Variants in SYNE1 observed in about 807,000 individuals in gnomAD.
SYNE1 encodes spectrin repeat containing nuclear envelope protein 1, also known as nesprin-1.
In SYNE1, 616 loss-of-function variants were observed where a neutral mutation model predicts 1,111.0. The observed-to-expected ratio is 0.55, with a 90% confidence interval of 0.52 to 0.59. The LOEUF (loss-of-function observed/expected upper bound fraction) is 0.59. Ranked by LOEUF, SYNE1 falls within the 20% of genes least tolerant of loss-of-function variation. The pLI is 0.00. For synonymous variants in SYNE1, 3,855 were observed against 3,825.8 expected, an observed-to-expected ratio of 1.01 and a Z score of -0.28; for missense variants, 10,006 against 10,417.0, an observed-to-expected ratio of 0.96 and a Z score of 1.72.
At position 152,352,191 on chromosome 6, in the gene SYNE1, T is replaced by C. The variant is rs1207624769; in HGVS notation, c.11416A>G (p.Lys3806Glu). Reference protein sequence around the residue: ...QLKELTSTVRKEHMTLEKGLH... With the variant: ...QLKELTSTVREEHMTLEKGLH... ...CCTTTTTCCAGCGTCATGTGTTCTT[T>C]CCGGACAGTGCTGGTCAGTTCCTTC... Residue 3806 changes from lysine (K) to glutamate (E), a missense_variant, in exon 70 of 146, where the codon AAA (lysine) becomes GAA (glutamate). Transcript: ENST00000367255. The C allele has an allele frequency of 6.2e-7, 1 of 1,614,212 alleles. No individual in the cohort carries two copies. The highest frequency in any genetic ancestry group is 1.3e-5 in the African/African-American group (1 of 75,060).
chr6:152,539,076 G>A (rs894584173), intron 4 of SYNE1, among the ~76,000 whole-genome samples: 1 of 152,092 alleles, frequency 6.6e-6, no homozygotes, highest in African/African-American at 2.4e-5. Context: ...CTGCTTGTAG[G>A]GTTGGGCTTT....
intron 3 of SYNE1, among the ~76,000 whole-genome samples, chr6:152,627,225 T>C (rs906314773): frequency 5.9e-5 from 9 of 152,208 alleles, no homozygotes; most frequent in Non-Finnish European, 1.0e-4. Context: ...AGAAGCAATA[T>C]CTTTAGATAA....
intron 55 of SYNE1, among the ~76,000 whole-genome samples, chr6:152,383,587 C>T (rs529034398): frequency 6.6e-6 from 1 of 152,254 alleles, no homozygotes; most frequent in Admixed American, 6.5e-5. Flanking sequence ...TTGTTTTTCC[C>T]CTCCTTTTTC....
chr6:152,523,745 T>C (rs2099151379), intron 5 of SYNE1, among the ~76,000 whole-genome samples: 1 of 152,154 alleles, frequency 6.6e-6, no homozygotes, highest in Non-Finnish European at 1.5e-5. Flanking sequence ...TGTTTTGTAG[T>C]TCTCCTTGCG....
Position 152,627,977 on chromosome 6 carries a change from A to G in SYNE1, c.67+288T>C, listed in dbSNP as rs187388363. 3.5e-3 allele frequency among the ~76,000 whole-genome samples: 515 copies of G among 145,812 alleles called. 2 individuals carry two copies. The highest frequency in any genetic ancestry group is 5.0e-3 in the Non-Finnish European group (336 of 67,250). On this transcript the variant is annotated intron_variant, in intron 3 of 145. Coordinates refer to ENST00000367255, the MANE Select transcript of SYNE1 (RefSeq NM_182961.4). ...AACAACAGCAGCAGTACATTTGACA[A>G]TAACTCTTAATTCCCAACTGGACAA... is the stretch of plus-strand genomic sequence containing the variant.
chr6:152,416,960 T>G lies in SYNE1; in HGVS notation c.5477A>C (p.His1826Pro). 6.2e-7 allele frequency: 1 copy of G among 1,614,226 alleles called. No individual in the cohort carries two copies. The highest frequency in any genetic ancestry group is 8.5e-7 in the Non-Finnish European group (1 of 1,180,046). ...GCCCAGAGAACCCAACTTTGCTAAGTGACCCTGCAGACTCTGCAATTCGCC... is the reference window on the plus strand; with the variant it reads ...GCCCAGAGAACCCAACTTTGCTAAGGGACCCTGCAGACTCTGCAATTCGCC... ...KKGELQSLQG[H>P]LAKLGSLGRA... Residue 1826 changes from histidine to proline, a missense_variant, in exon 41 of 146, where the codon CAC becomes CCC. Physicochemically the swap from His to Pro is moderately conservative, Grantham distance 77. Around this residue, in one of 7 missense-constraint regions of SYNE1, gnomAD observed 4,955 missense variants for 5,017.2 expected, o/e 0.99. Coordinates refer to ENST00000367255, the MANE Select transcript of SYNE1 (RefSeq NM_182961.4).
chr6:152,275,448 T>C (rs1674142072), intron 98 of SYNE1, among the ~76,000 whole-genome samples: 1 of 152,248 alleles, frequency 6.6e-6, no homozygotes, highest in South Asian at 2.1e-4. Context: ...CACTGATTTG[T>C]AATGCCACCT....
chr6:152,243,521 T>C (rs146834599), intron 106 of SYNE1, among the ~76,000 whole-genome samples: 2 of 152,184 alleles, frequency 1.3e-5, no homozygotes, highest in Non-Finnish European at 2.9e-5. Context: ...TCTGGAAGAG[T>C]TCAATTTTAA....
At chr6:152,546,685 G>A (rs2099314984) in intron 3 of SYNE1, 1 of 152,136 alleles carries the variant, frequency 6.6e-6, no homozygotes, top group South Asian at 2.1e-4. Context: ...GGGATTGGGA[G>A]GCTTTACTTA....
intron 124 of SYNE1, among the ~76,000 whole-genome samples, chr6:152,210,222 G>T (rs1183842752): frequency 6.6e-6 from 1 of 151,868 alleles, no homozygotes; most frequent in Admixed American, 6.6e-5. Flanking sequence ...TTACCCTCAA[G>T]TCTAACCTCC....
chr6:152,454,431 C>T (rs2098679213), intron 24 of SYNE1, among the ~76,000 whole-genome samples: 1 of 152,174 alleles, frequency 6.6e-6, no homozygotes, highest in Admixed American at 6.5e-5. Context: ...TGTGAGGGCA[C>T]AGGGAAAAGG....
Position 152,546,638 on chromosome 6 carries a change from T to A in SYNE1, c.68-6617A>T, listed in dbSNP as rs1595090994. The A allele has an allele frequency of 1.3e-5, 2 of 152,272 alleles. 1 individual carries two copies. Among genetic ancestry groups the A allele is most frequent in the South Asian group, 4.1e-4 (2 of 4,824 alleles). The allele number at this position is 152,272 out of a possible 1,614,324, so 9.4% of individuals were successfully genotyped here. A position where few individuals can be genotyped will look rare whatever the true frequency, so the allele number is the denominator to read the frequency against. The stretch of plus-strand genomic sequence containing the variant: ...AAACCTCAAGAATAAGAAATAAAAG[T>A]ACAAATTGGTGTGATGAAGGTATAT... On this transcript the variant is annotated intron_variant, in intron 3 of 145. Transcript: ENST00000367255.
At chr6:152,399,879 T>C (rs1248750853) in intron 47 of SYNE1, 56 bp from the exon 48 acceptor site, 43 of 1,550,772 alleles carry the variant, frequency 2.8e-5, no homozygotes, top group Non-Finnish European at 3.7e-5. Context: ...AAATACTCCA[T>C]TTACTTCACT....
intron 101 of SYNE1, among the ~76,000 whole-genome samples, chr6:152,261,564 C>T (rs1328963549): frequency 2.6e-5 from 4 of 152,294 alleles, no homozygotes; most frequent in Non-Finnish European, 1.5e-5. Context: ...CTGCCCTAGA[C>T]CCACCAACGT....
chr6:152,469,476 C>T (rs2098792742), intron 16 of SYNE1, among the ~76,000 whole-genome samples: 1 of 152,178 alleles, frequency 6.6e-6, no homozygotes, highest in African/African-American at 2.4e-5. Flanking sequence ...CAGTTCCCCA[C>T]CACTACAACC....
intron 127 of SYNE1, among the ~76,000 whole-genome samples, chr6:152,200,054 T>C (rs2075083256): frequency 6.6e-6 from 1 of 152,116 alleles, no homozygotes; most frequent in African/African-American, 2.4e-5. Context: ...TTTTCCACTT[T>C]TCACACCGAT....
intron 77 of SYNE1, among the ~76,000 whole-genome samples, chr6:152,333,041 A>G (rs1158400245): frequency 3.3e-5 from 5 of 152,212 alleles, no homozygotes; most frequent in African/African-American, 7.2e-5. Context: ...GTATACCAAA[A>G]AAACCCCAAA....
chr6:152,521,646 G>T (rs145560087), intron 5 of SYNE1, among the ~76,000 whole-genome samples: 2 of 152,178 alleles, frequency 1.3e-5, no homozygotes, highest in East Asian at 3.9e-4. Context: ...CTGTTCATTG[G>T]TGATGTGAGT....
At chr6:152,570,268 TTTGA>T (rs1165107340) in intron 3 of SYNE1, among the ~76,000 whole-genome samples, 1 of 152,224 alleles carries the variant, frequency 6.6e-6, no homozygotes, top group Admixed American at 6.5e-5. Flanking sequence ...TATGTAGGTA[TTTGA>T]TTGTCCCGAA....
Sources: gnomAD v4.1 joint callset for allele counts (sites outside exome capture counted in the v4.1 genomes callset) on GRCh38, gnomAD v4.1.1 for gene constraint, gnomAD v4.1.1 regional missense constraint, MANE v1.5 for transcripts, NCBI Gene and HGNC (gene_info 2026-07-23, HGNC 2026-07-21) for gene names.